Variants in DNHD1 observed in about 807,000 individuals in gnomAD.
DNHD1 encodes dynein heavy chain domain 1.
DNHD1 carries 383 observed loss-of-function variants against 458.1 expected under a neutral mutation model. The observed-to-expected ratio is 0.84, with a 90% CI of 0.77 to 0.91. The LOEUF is 0.91. DNHD1 is among the 40% of genes least tolerant of loss of function. DNHD1 has a pLI of 0.00. For synonymous variants in DNHD1, 2,203 were observed against 2,376.9 expected, an observed-to-expected ratio of 0.93 and a Z score of 2.13; for missense variants, 5,336 against 5,866.1, an observed-to-expected ratio of 0.91 and a Z score of 2.95.
rs1363936527 is a variant in DNHD1, at chr11:6,545,123, G to A, written c.4184G>A (p.Ser1395Asn). 3.9e-6 allele frequency: 6 copies of A among 1,552,188 alleles called. No homozygotes were observed. Among genetic ancestry groups the A allele is most frequent in the Non-Finnish European group, 4.4e-6 (5 of 1,147,102 alleles). ...RRCFPHVHAV[S>N]FRSCPTGEKN... ...TGCTTTCCTCATGTGCATGCTGTGA[G>A]CTTCAGGTCTTGCCCAACTGGTGAG... is the stretch of plus-strand genomic sequence containing the variant. Residue 1395 changes from serine (S) to asparagine (N), a missense_variant, in exon 21 of 43, where the codon AGC (serine) becomes AAC (asparagine). Around this residue, in one of 4 missense-constraint regions of DNHD1, gnomAD observed 3,932 missense variants for 4,365.6 expected, o/e 0.90. Coordinates refer to ENST00000254579, the MANE Select transcript of DNHD1 (RefSeq NM_144666.3). This position sits in a 1 kb window ranked among gnomAD's most constrained non-coding sequence, Gnocchi z 4.9.
At chr11:6,559,587 G>C (rs1240756101) in intron 28 of DNHD1, among the ~76,000 whole-genome samples, 1 of 152,178 alleles carries the variant, frequency 6.6e-6, no homozygotes, top group Non-Finnish European at 1.5e-5. Flanking sequence ...GATTCCCATG[G>C]GGGTTGGGGC....
In DNHD1 at chr11:6,546,451, C is replaced by G. The variant is rs939917053; in HGVS notation, c.5512C>G (p.Leu1838Val). Reference sequence around the variant, plus strand: ...GCCTGATCTGCGGCAAGTGGCAGAGCTGACTCTGCTGGGTGCAGGGATGAG... The same window carrying G: ...GCCTGATCTGCGGCAAGTGGCAGAGGTGACTCTGCTGGGTGCAGGGATGAG... The part of the protein sequence containing the change: ...ALPDLRQVAE[L>V]TLLGAGMRDA... The change falls in exon 21 of 43, where the codon CTG (leucine) becomes GTG (valine). Residue 1838 changes from leucine to valine, a missense_variant. Leu to Val is a conservative substitution (Grantham distance 32, BLOSUM62 1). Around this residue, in one of 4 missense-constraint regions of DNHD1, gnomAD observed 3,932 missense variants for 4,365.6 expected, o/e 0.90. Transcript: ENST00000254579. 2 of 1,551,040 alleles carry G rather than the reference C, an allele frequency of 1.3e-6. No individual in the cohort carries two copies. The highest frequency in any genetic ancestry group is 1.4e-5 in the African/African-American group (1 of 73,052).
intron 39 of DNHD1, among the ~76,000 whole-genome samples, chr11:6,569,719 T>C (rs781196544): frequency 6.6e-6 from 1 of 151,994 alleles, no homozygotes; most frequent in Non-Finnish European, 1.5e-5. Flanking sequence ...GTAGTAGCCA[T>C]GGAAGGGATA....
chr11:6,547,217 C>T lies in DNHD1; in HGVS notation c.6278C>T (p.Ala2093Val). The T allele has an allele frequency of 6.4e-7, 1 of 1,551,792 alleles. No homozygotes were observed. The highest frequency in any genetic ancestry group is 8.7e-7 in the Non-Finnish European group (1 of 1,147,008). The change falls in exon 21 of 43, where the codon GCT becomes GTT. Residue 2093 changes from alanine to valine, a missense_variant. Ala to Val is a moderately conservative substitution (Grantham distance 64). Transcript: ENST00000254579. ...WIICDGASNG[A>V]WLDSITCLLS... is the part of the protein sequence containing the mutation. ...ATATGTGATGGAGCCTCCAATGGTG[C>T]TTGGCTGGACTCCATCACTTGCCTC...
rs1401337762 is a variant in DNHD1, at chr11:6,568,844, C to T, written c.12841C>T (p.Leu4281=). The change falls in exon 39 of 43, where the codon CTG becomes TTG. Residue 4281 remains leucine (L), a synonymous_variant. Coordinates refer to ENST00000254579, the MANE Select transcript of DNHD1 (RefSeq NM_144666.3). The part of the protein sequence containing the change: ...LLHRQLYGTR[L]QAHRGRWSQV... ...ACACCGGCAGCTCTATGGAACAAGG[C>T]TGCAGGCACACAGGGGGCGCTGGTG... The T allele has an allele frequency of 1.2e-6, 2 of 1,611,694 alleles. No individual in the cohort carries two copies. Among genetic ancestry groups the T allele is most frequent in the Non-Finnish European group, 8.5e-7 (1 of 1,179,104 alleles).
rs370847782 is a variant in DNHD1, at chr11:6,570,441, A to G, written c.13105+45A>G. ...CTGTTTTGGGGTAGGGAATAGTGCAATGCAATGCCACCCCCCACAGAAATG... is the reference window on the plus strand; with the variant it reads ...CTGTTTTGGGGTAGGGAATAGTGCAGTGCAATGCCACCCCCCACAGAAATG... On this transcript the variant is annotated intron_variant, in intron 41 of 42. Transcript: ENST00000254579. The G allele has an allele frequency of 5.2e-6, 8 of 1,551,848 alleles. No homozygotes were observed. In the African/African-American group the frequency reaches 8.2e-5, roughly 16 times the overall value.
In DNHD1 at chr11:6,558,689, T is replaced by A. The variant is rs1039965780; in HGVS notation, c.9207T>A (p.Asp3069Glu). 4.5e-5 allele frequency: 70 copies of A among 1,549,288 alleles called. No individual in the cohort carries two copies. Among genetic ancestry groups the A allele is most frequent in the Non-Finnish European group, 5.9e-5 (68 of 1,146,966 alleles). Residue 3069 changes from aspartate (D) to glutamate (E), a missense_variant, in exon 26 of 43, where the codon GAT (aspartate) becomes GAA (glutamate). Around this residue, in one of 4 missense-constraint regions of DNHD1, gnomAD observed 3,932 missense variants for 4,365.6 expected, o/e 0.90. Coordinates refer to ENST00000254579, the MANE Select transcript of DNHD1 (RefSeq NM_144666.3). ...HLEGAQSVPL[D>E]DGSWKYPDLQ... ...AGGGTGCTCAGAGTGTGCCCCTTGA[T>A]GACGGTAAGCCCTTTTTACTTGTCC... is the stretch of plus-strand genomic sequence containing the variant.
At position 6,547,968 on chromosome 11, in the gene DNHD1, G is replaced by A. The variant is rs1048042298; in HGVS notation, c.6833G>A (p.Arg2278Lys). Residue 2278 changes from arginine (R) to lysine (K), a missense_variant, in exon 22 of 43, where the codon AGG becomes AAG. By Grantham distance (26) the Arg-to-Lys change is conservative. Coordinates refer to ENST00000254579, the MANE Select transcript of DNHD1 (RefSeq NM_144666.3). ...AGTGACGATGTGCCAGATAAGTGCA[G>A]GGAACACTTGCTGGCTGTCAGCAGT... ...VDSDDVPDKC[R>K]EHLLAVSSFL... 6 of 1,551,686 alleles carry A rather than the reference G, an allele frequency of 3.9e-6. No individual in the cohort carries two copies. Among genetic ancestry groups the A allele is most frequent in the Non-Finnish European group, 5.2e-6 (6 of 1,147,032 alleles).
At position 6,545,242 on chromosome 11, in the gene DNHD1, C is replaced by T. The variant is rs565558837; in HGVS notation, c.4303C>T (p.Gln1435Ter). The T allele has an allele frequency of 1.0e-5, 16 of 1,551,740 alleles. 1 individual carries two copies. The highest frequency in any genetic ancestry group is 8.3e-5 in the South Asian group (7 of 84,068). ...GGCAGGTGGGGAGGAGGTGAAGCTG[C>T]AGGGTCCCCTTCCTCTGCATCCAGA... ...LGAGGEEVKLQGPLPLHPDLP... is the reference protein window; with the variant it reads ...LGAGGEEVKL Residue 1435 changes from glutamine to a stop codon, truncating the protein, a stop_gained, in exon 21 of 43, where the codon CAG becomes TAG. Coordinates refer to ENST00000254579, the MANE Select transcript of DNHD1 (RefSeq NM_144666.3). LOFTEE classifies it high-confidence loss of function. The surrounding 1 kb of genome is among the most constrained non-coding windows in gnomAD (Gnocchi z 4.9).
In DNHD1 at chr11:6,531,521, C is replaced by CGTAA. The variant is rs1227170860; in HGVS notation, c.2348-1506_2348-1505insGTAA. 4.1e-5 allele frequency among the ~76,000 whole-genome samples: 5 copies of CGTAA among 120,760 alleles called. No homozygotes were observed. The East Asian group carries it at 1.5e-3, about 35-fold the overall frequency. The allele number at this position is 120,760 out of a possible 152,430, so 79.2% of individuals were successfully genotyped here. ...GTTGCTACTGGTCCAAAAGCAGCACCATAAACAAACAAACAAACAAACAAG... is the reference window on the plus strand; with the variant it reads ...GTTGCTACTGGTCCAAAAGCAGCACCGTAAATAAACAAACAAACAAACAAACAAG... On this transcript the variant is annotated intron_variant, in intron 12 of 42. Transcript: ENST00000254579.
Position 6,519,770 on chromosome 11 carries a change from C to G in DNHD1, c.1563C>G (p.Ala521=). 1.9e-6 allele frequency: 3 copies of G among 1,613,936 alleles called. No individual in the cohort carries two copies. The highest frequency in any genetic ancestry group is 2.5e-6 in the Non-Finnish European group (3 of 1,180,030). The change falls in exon 8 of 43, where the codon GCC becomes GCG. Residue 521 remains alanine (A), a synonymous_variant. Transcript: ENST00000254579. ...EAWWLQLGKF[A]RLVDYMICQS... ...GGTGGCTGCAGCTGGGAAAGTTTGC[C>G]CGCCTGGTTGACTACATGATTTGTC...
At chr11:6,539,777 C>A in intron 17 of DNHD1, 99 bp from the exon 18 acceptor site, 1 of 1,106,102 alleles carries the variant, frequency 9.0e-7, no homozygotes, top group Non-Finnish European at 1.3e-6. Context: ...TGAGCCCTGG[C>A]CCTTGAGTTC....
At chr11:6,506,702 C>T (rs1852234826) in intron 4 of DNHD1, among the ~76,000 whole-genome samples, 1 of 152,152 alleles carries the variant, frequency 6.6e-6, no homozygotes, top group Non-Finnish European at 1.5e-5. Context: ...CCCTTACCAC[C>T]CCATTTAAAA....
At chr11:6,507,441 T>C (rs1200175387) in intron 4 of DNHD1, among the ~76,000 whole-genome samples, 2 of 152,228 alleles carry the variant, frequency 1.3e-5, no homozygotes, top group Admixed American at 1.3e-4. Flanking sequence ...TATGTTTAGA[T>C]ACATTTAATA....
rs924361179 is a variant in DNHD1 at position 6,547,222 on chromosome 11, C to T, written c.6283C>T (p.Leu2095=). The T allele has an allele frequency of 6.4e-7, 1 of 1,551,776 alleles. No individual in the cohort carries two copies. The highest frequency in any genetic ancestry group is 8.7e-7 in the Non-Finnish European group (1 of 1,147,000). Residue 2095 remains leucine (L), a synonymous_variant, in exon 21 of 43, where the codon CTG becomes TTG. Transcript: ENST00000254579. ...ICDGASNGAW[L]DSITCLLSEL... is the part of the protein sequence containing the mutation. ...TGATGGAGCCTCCAATGGTGCTTGG[C>T]TGGACTCCATCACTTGCCTCCTGAG...
rs548997731 is a variant in DNHD1 at position 6,566,580 on chromosome 11, C to A, written c.11207-7C>A. 3.2e-5 allele frequency: 52 copies of A among 1,613,112 alleles called. No homozygotes were observed. In the Middle Eastern group the frequency reaches 1.3e-3, roughly 41 times the overall value. On this transcript the variant is annotated splice_region_variant and splice_polypyrimidine_tract_variant and intron_variant, in intron 34 of 42. Transcript: ENST00000254579. ...AAGAGGTTAAGCATCTCCCATGTTACCCCAAGTGCTAGGTTGTGAACTGCT... is the reference window on the plus strand; with the variant it reads ...AAGAGGTTAAGCATCTCCCATGTTAACCCAAGTGCTAGGTTGTGAACTGCT...
Position 6,533,830 on chromosome 11 carries a change from A to G in DNHD1, c.2655A>G (p.Ser885=). 1 of 1,551,080 alleles carries G rather than the reference A, an allele frequency of 6.4e-7. No individual in the cohort carries two copies. The highest frequency in any genetic ancestry group is 1.2e-5 in the South Asian group (1 of 83,990). The change falls in exon 14 of 43, where the codon TCA becomes TCG. Residue 885 remains serine (S), a synonymous_variant. Transcript: ENST00000254579. Reference sequence around the variant, plus strand: ...CGGTGAGAAGGCAATTCGGGGAGTCACCCATCCCTCCCTGCCCTCCTCCCC... The same window carrying G: ...CGGTGAGAAGGCAATTCGGGGAGTCGCCCATCCCTCCCTGCCCTCCTCCCC... The part of the protein sequence containing the change: ...DISVRRQFGE[S]PIPPCPPPPQ...
chr11:6,531,436 GC>G (rs1440688237), intron 12 of DNHD1, among the ~76,000 whole-genome samples: 9 of 152,146 alleles, frequency 5.9e-5, no homozygotes, highest in African/African-American at 2.2e-4. Context: ...TTTTATCAAT[GC>G]ATTGCTCCTT....
At position 6,567,328 on chromosome 11, in the gene DNHD1, T is replaced by G. The variant is rs760392797; in HGVS notation, c.11819T>G (p.Leu3940Trp). Residue 3940 changes from leucine (L) to tryptophan (W), a missense_variant, in exon 36 of 43, where the codon TTG becomes TGG. Physicochemically the swap from Leu to Trp is moderately conservative, Grantham distance 61 (BLOSUM62 -2). Around this residue, in one of 4 missense-constraint regions of DNHD1, gnomAD observed 695 missense variants for 804.2 expected, o/e 0.86. Coordinates refer to ENST00000254579, the MANE Select transcript of DNHD1 (RefSeq NM_144666.3). ...QVPLVGALGA[L>W]ALLQATGKAS... is the part of the protein sequence containing the mutation. ...CCCTTGGTGGGTGCATTGGGCGCTT[T>G]GGCTCTGCTGCAAGCAACAGGGAAA... The G allele has an allele frequency of 9.3e-6, 15 of 1,614,070 alleles. No homozygotes were observed. Among genetic ancestry groups the G allele is most frequent in the Non-Finnish European group, 1.3e-5 (15 of 1,179,902 alleles).
Sources: allele counts gnomAD v4.1 joint callset (sites outside exome capture counted in the v4.1 genomes callset), GRCh38; gene constraint gnomAD v4.1.1; regional missense constraint gnomAD v4.1.1; non-coding constraint Gnocchi (gnomAD v3.1); transcripts MANE v1.5; gene names NCBI Gene and HGNC (gene_info 2026-07-23, HGNC 2026-07-21).